The following LHFPL6 variants were observed in gnomAD, a reference collection of about 807,000 sequenced individuals.
LHFPL6 encodes LHFPL tetraspan subfamily member 6 protein.
A neutral mutation model predicts 20.6 loss-of-function variants in LHFPL6; 9 were observed. That is an observed-to-expected ratio of 0.44 (90% CI 0.26 to 0.76). LHFPL6 has a LOEUF of 0.76. LHFPL6 is among the 30% of genes least tolerant of loss of function. The pLI, the probability that LHFPL6 is intolerant of heterozygous loss-of-function variation, is 0.20. For synonymous variants in LHFPL6, 105 were observed against 98.7 expected (o/e 1.06, Z -0.38); for missense variants, 218 against 253.5 (o/e 0.86, Z 0.95).
chr13:39,375,994 A>C (rs1870286250), intron 3 of LHFPL6, among the ~76,000 whole-genome samples: 1 of 152,146 alleles, frequency 6.6e-6, no homozygotes, highest in Non-Finnish European at 1.5e-5. Context: ...AGTGTATAAT[A>C]ACATTAAAAA....
chr13:39,456,157 G>A (rs1872563906), intron 2 of LHFPL6, among the ~76,000 whole-genome samples: 1 of 152,202 alleles, frequency 6.6e-6, no homozygotes, highest in South Asian at 2.1e-4. Flanking sequence ...TCTTAAAAGT[G>A]CCTATTAACC....
At chr13:39,408,092 T>G (rs1871160214) in intron 2 of LHFPL6, among the ~76,000 whole-genome samples, 1 of 152,180 alleles carries the variant, frequency 6.6e-6, no homozygotes, top group Non-Finnish European at 1.5e-5. Context: ...TCAAATCCCT[T>G]TTGAAATACA....
chr13:39,576,762 T>A (rs1872128949), intron 2 of LHFPL6, among the ~76,000 whole-genome samples: 1 of 152,100 alleles, frequency 6.6e-6, no homozygotes, highest in Non-Finnish European at 1.5e-5. Flanking sequence ...GCCTCCTGAG[T>A]AGCTAGGACT....
At chr13:39,584,674 G>A (rs1872393225) in intron 2 of LHFPL6, among the ~76,000 whole-genome samples, 1 of 151,942 alleles carries the variant, frequency 6.6e-6, no homozygotes, top group African/African-American at 2.4e-5. Context: ...TGACTATAGA[G>A]TCTATAAAGG....
intron 3 of LHFPL6, among the ~76,000 whole-genome samples, chr13:39,362,337 C>G (rs1208096670): frequency 1.3e-5 from 2 of 152,216 alleles, no homozygotes; most frequent in African/African-American, 4.8e-5. Flanking sequence ...CCTTTGCTTT[C>G]TGCCATGACT....
At chr13:39,587,399 C>T (rs1241424200) in intron 2 of LHFPL6, among the ~76,000 whole-genome samples, 2 of 152,124 alleles carry the variant, frequency 1.3e-5, no homozygotes, top group Non-Finnish European at 2.9e-5. Flanking sequence ...CAACTAGCAC[C>T]TCTGCTGTGA....
chr13:39,407,863 A>G (rs1170461251), intron 2 of LHFPL6, among the ~76,000 whole-genome samples: 2 of 152,244 alleles, frequency 1.3e-5, no homozygotes, highest in East Asian at 1.9e-4. Flanking sequence ...TATATAAAAA[A>G]CAATTTTAGA....
intron 2 of LHFPL6, among the ~76,000 whole-genome samples, chr13:39,456,405 GAA>G (rs34150982): frequency 3.3e-5 from 5 of 152,166 alleles, no homozygotes; most frequent in Non-Finnish European, 7.4e-5. Context: ...GATAAACTGC[GAA>G]AAGTCAAGAG....
intron 2 of LHFPL6, among the ~76,000 whole-genome samples, chr13:39,393,843 T>C (rs2138373213): frequency 6.6e-6 from 1 of 152,340 alleles, no homozygotes; most frequent in Middle Eastern, 3.4e-3. Flanking sequence ...GAGGCCTCTC[T>C]TCTTGGCTTG....
chr13:39,385,249 T>A (rs1325732182), intron 2 of LHFPL6, among the ~76,000 whole-genome samples: 2 of 152,238 alleles, frequency 1.3e-5, no homozygotes, highest in African/African-American at 2.4e-5. Flanking sequence ...GACTTGATAA[T>A]TCTTAAATTT....
At chr13:39,474,933 GTTGTTTGGT>G (rs1873045579) in intron 2 of LHFPL6, among the ~76,000 whole-genome samples, 1 of 152,216 alleles carries the variant, frequency 6.6e-6, no homozygotes, top group Admixed American at 6.5e-5. Flanking sequence ...AAAGAAGGAT[GTTGTTTGGT>G]AGATCAGTGG....
chr13:39,456,393 T>C (rs1197430330), intron 2 of LHFPL6, among the ~76,000 whole-genome samples: 1 of 152,216 alleles, frequency 6.6e-6, no homozygotes, highest in African/African-American at 2.4e-5. Context: ...ATTTTCACTT[T>C]TGATAAACTG....
intron 2 of LHFPL6, among the ~76,000 whole-genome samples, chr13:39,526,327 A>G (rs1198282944): frequency 6.6e-6 from 1 of 152,088 alleles, no homozygotes; most frequent in African/African-American, 2.4e-5. Context: ...ACAGATATAC[A>G]TGATACAGAT....
chr13:39,382,466 G>C (rs1870467508), intron 2 of LHFPL6, among the ~76,000 whole-genome samples: 1 of 152,066 alleles, frequency 6.6e-6, no homozygotes, highest in South Asian at 2.1e-4. Context: ...GCAGTGGTGT[G>C]ATCTTGGCTT....
intron 2 of LHFPL6, among the ~76,000 whole-genome samples, chr13:39,491,166 G>A (rs907281246): frequency 6.6e-6 from 1 of 152,214 alleles, no homozygotes; most frequent in African/African-American, 2.4e-5. Context: ...GTGAAGCAAT[G>A]ATGCCACATA....
chr13:39,601,111 AT>A lies in LHFPL6; in HGVS notation c.105del (p.Ser36HisfsTer26). ...VGFFMPYWLW[G>X]SQLGKPVSFG... ...AAGGACACAGGCTTGCCCAGCTGTG[AT>A]CCCCAGAGCCAGTAAGGCATAAAGA... On this transcript the variant is annotated frameshift_variant, in exon 2 of 4. Transcript: ENST00000379589. LOFTEE classifies it high-confidence loss of function. 6.2e-7 allele frequency: 1 copy of A among 1,614,192 alleles called. No individual in the cohort carries two copies. Among genetic ancestry groups the A allele is most frequent in the Non-Finnish European group, 8.5e-7 (1 of 1,180,034 alleles).
At chr13:39,577,784 C>A (rs142343654) in intron 2 of LHFPL6, among the ~76,000 whole-genome samples, 1 of 152,054 alleles carries the variant, frequency 6.6e-6, no homozygotes, top group East Asian at 1.9e-4. Context: ...CAGGTGCATG[C>A]CACCATATCC....
intron 3 of LHFPL6, among the ~76,000 whole-genome samples, chr13:39,357,266 C>A (rs1346191812): frequency 6.6e-6 from 1 of 152,128 alleles, no homozygotes; most frequent in Non-Finnish European, 1.5e-5. Context: ...TCAAATTCTA[C>A]CAGACACTCA....
Position 39,519,001 on chromosome 13 carries a change from T to G in LHFPL6, c.385+81831A>C, listed in dbSNP as rs556358293. Among the ~76,000 whole-genome samples, 25 of 151,972 alleles carry G rather than the reference T, an allele frequency of 1.6e-4. No individual in the cohort carries two copies. The South Asian group carries it at 5.0e-3, about 30-fold the overall frequency. On this transcript the variant is annotated intron_variant, in intron 2 of 3. Coordinates refer to ENST00000379589, the MANE Select transcript of LHFPL6 (RefSeq NM_005780.3). ...CCTGTAATTCCAGAACTTTGGGAGG[T>G]TGAGGTGGTAGATCACTTGAGGTCA... is the stretch of plus-strand genomic sequence containing the variant.
Sources: gnomAD v4.1 joint callset for allele counts (sites outside exome capture counted in the v4.1 genomes callset) on GRCh38, gnomAD v4.1.1 for gene constraint, MANE v1.5 for transcripts, NCBI Gene and HGNC (gene_info 2026-07-23, HGNC 2026-07-21) for gene names.